Variants in MAP3K2 observed in about 807,000 individuals in gnomAD.
The protein encoded by MAP3K2 is mitogen-activated protein kinase kinase kinase 2.
A neutral mutation model predicts 80.3 loss-of-function variants in MAP3K2; 24 were observed. The ratio of observed to expected loss-of-function variants is 0.30; its 90% CI spans 0.22 to 0.42. MAP3K2 has a LOEUF of 0.42. Among genes scored for constraint, MAP3K2 ranks in the 10% least tolerant of loss-of-function variants. The probability of loss-of-function intolerance (pLI) is 1.00; values close to 1 mark genes in which losing one functional copy is unlikely to be tolerated. For missense variants in MAP3K2, 608 were observed against 750.1 expected (o/e 0.81, Z 2.21); for synonymous variants, 244 against 253.7 (o/e 0.96, Z 0.36).
intron 1 of MAP3K2, among the ~76,000 whole-genome samples, chr2:127,384,899 A>T (rs1687316952): frequency 6.6e-6 from 1 of 152,032 alleles, no homozygotes; most frequent in Admixed American, 6.6e-5. Context: ...AGCCTCCCAA[A>T]CTGCTGGGAT....
intron 1 of MAP3K2, among the ~76,000 whole-genome samples, chr2:127,347,826 T>C (rs1686624920): frequency 6.6e-6 from 1 of 152,100 alleles, no homozygotes; most frequent in Non-Finnish European, 1.5e-5. Flanking sequence ...TCATCTGTCA[T>C]CAGGGAAATG....
chr2:127,318,480 TTC>T (rs758117599), intron 12 of MAP3K2, among the ~76,000 whole-genome samples, 163 bp from the exon 13 acceptor site: 28 of 152,210 alleles, frequency 1.8e-4, no homozygotes, highest in Non-Finnish European at 3.1e-4. Context: ...TTTCAAATTT[TTC>T]TCTTTCGTCA....
intron 2 of MAP3K2, among the ~76,000 whole-genome samples, chr2:127,342,052 C>A (rs1309661720): frequency 5.9e-5 from 9 of 151,922 alleles, no homozygotes; most frequent in African/African-American, 2.2e-4. Flanking sequence ...TGTTTTTAAG[C>A]AATGAATGTT....
At chr2:127,355,609 C>T (rs1172835874) in intron 1 of MAP3K2, among the ~76,000 whole-genome samples, 1 of 152,080 alleles carries the variant, frequency 6.6e-6, no homozygotes, top group Non-Finnish European at 1.5e-5. Context: ...CACTAGAGGG[C>T]CTCCATGTTG....
At chr2:127,344,672 A>T (rs910641481) in intron 1 of MAP3K2, among the ~76,000 whole-genome samples, 1 of 152,272 alleles carries the variant, frequency 6.6e-6, no homozygotes, top group African/African-American at 2.4e-5. Context: ...GAAAACATTT[A>T]AAAAATTGTA....
At chr2:127,387,009 G>T (rs548505693) in intron 1 of MAP3K2, among the ~76,000 whole-genome samples, 2 of 152,224 alleles carry the variant, frequency 1.3e-5, no homozygotes, top group Admixed American at 6.5e-5. Flanking sequence ...CATGACAACT[G>T]CCGGGCGCAG....
chr2:127,325,812 G>GA lies in MAP3K2; in HGVS notation c.598-6dup, dbSNP rs1264329455. 1.9e-6 allele frequency: 3 copies of GA among 1,600,020 alleles called. No homozygotes were observed. The highest frequency in any genetic ancestry group is 1.7e-5 in the Admixed American group (1 of 57,852). On this transcript the variant is annotated splice_region_variant and splice_polypyrimidine_tract_variant and intron_variant, in intron 8 of 16. Transcript: ENST00000682094. ...TAAAGATAATGGATCCAGCATCTAG[G>GA]AAAAAAAGGAGTTCCACCATGATTC... is the stretch of plus-strand genomic sequence containing the variant.
At chr2:127,331,830 T>C (rs1343863530) in intron 5 of MAP3K2, among the ~76,000 whole-genome samples, 3 of 152,194 alleles carry the variant, frequency 2.0e-5, no homozygotes, top group African/African-American at 7.2e-5. Flanking sequence ...GGTCTCAAAC[T>C]CCTGACCTCA....
rs1685647909 is a variant in MAP3K2, at chr2:127,304,003, GT to G, written c.*3575del. 2 of 152,126 alleles carry G rather than the reference GT, an allele frequency of 1.3e-5. No homozygotes were observed. The highest frequency in any genetic ancestry group is 4.8e-5 in the African/African-American group (2 of 41,432). The allele number at this position is 152,126 out of a possible 1,614,324, so 9.4% of individuals were successfully genotyped here. A position where few individuals can be genotyped will look rare whatever the true frequency, so the allele number is the denominator to read the frequency against. On this transcript the variant is annotated 3_prime_UTR_variant, in exon 17 of 17. Transcript: ENST00000682094. ...AGCAGAGACTTAGTCTAAAGAAATA[GT>G]TTCATCTTTTTAATGCAGTTTCTTT...
chr2:127,322,035 C>G lies in MAP3K2; in HGVS notation c.1045+11G>C. On this transcript the variant is annotated intron_variant, in intron 12 of 16. Transcript: ENST00000682094. The surrounding 1 kb of genome is among the most constrained non-coding windows in gnomAD (Gnocchi z 4.2). ...GCTCTACATTTCACTATACCAAGTT[C>G]TATTACTTACAACGGCTGGGTGGGC... 6.2e-7 allele frequency: 1 copy of G among 1,608,120 alleles called. No homozygotes were observed. Among genetic ancestry groups the G allele is most frequent in the Non-Finnish European group, 8.5e-7 (1 of 1,176,192 alleles).
At chr2:127,318,107 A>G in intron 13 of MAP3K2, 62 bp downstream of exon 13, 1 of 1,380,282 alleles carries the variant, frequency 7.2e-7, no homozygotes. Flanking sequence ...CTTAATGTTA[A>G]AAAATAATAA....
chr2:127,313,206 T>C (rs1685840416), intron 15 of MAP3K2, among the ~76,000 whole-genome samples: 1 of 152,192 alleles, frequency 6.6e-6, no homozygotes, highest in African/African-American at 2.4e-5. Flanking sequence ...CTGGCAAAGT[T>C]TGAAGAAGAT....
chr2:127,329,679 G>A (rs1686213789), intron 7 of MAP3K2, among the ~76,000 whole-genome samples: 2 of 152,000 alleles, frequency 1.3e-5, no homozygotes, highest in Non-Finnish European at 2.9e-5. Context: ...AGTTTTATTT[G>A]AATTTGTTAA....
chr2:127,342,390 T>TGG (rs1207106249), intron 2 of MAP3K2, among the ~76,000 whole-genome samples: 5 of 71,314 alleles, frequency 7.0e-5, no homozygotes, highest in African/African-American at 3.1e-4. Flanking sequence ...TTCATGAGGG[T>TGG]GTGTGTGTGT....
chr2:127,382,291 T>C (rs1359145086), intron 1 of MAP3K2, among the ~76,000 whole-genome samples: 1 of 152,234 alleles, frequency 6.6e-6, no homozygotes, highest in Non-Finnish European at 1.5e-5. Flanking sequence ...AGGTAAAATG[T>C]CATAATGTCC....
chr2:127,381,756 A>C (rs533636639), intron 1 of MAP3K2, among the ~76,000 whole-genome samples: 2 of 152,362 alleles, frequency 1.3e-5, no homozygotes, highest in South Asian at 4.1e-4. Flanking sequence ...ATGGGACTGC[A>C]CAGTGTACGT....
intron 4 of MAP3K2, among the ~76,000 whole-genome samples, chr2:127,336,350 T>C (rs988800465): frequency 2.0e-5 from 3 of 152,338 alleles, no homozygotes; most frequent in South Asian, 2.1e-4. Flanking sequence ...AATAAAGTTG[T>C]TCTCCAGGGA....
At chr2:127,352,676 TTCCCTC>T (rs1038309817) in intron 1 of MAP3K2, among the ~76,000 whole-genome samples, 1 of 151,966 alleles carries the variant, frequency 6.6e-6, no homozygotes, top group African/African-American at 2.4e-5. Context: ...GAGTGCATGC[TTCCCTC>T]TCCCTCTCCC....
chr2:127,330,552 T>TA, intron 5 of MAP3K2, 47 bp from the exon 6 acceptor site: 2 of 883,318 alleles, frequency 2.3e-6, no homozygotes, highest in South Asian at 3.0e-5. Flanking sequence ...CCAGGTCAAG[T>TA]TCTTCCATGA....
Sources: allele counts gnomAD v4.1 joint callset (sites outside exome capture counted in the v4.1 genomes callset), GRCh38; gene constraint gnomAD v4.1.1; non-coding constraint Gnocchi (gnomAD v3.1); transcripts MANE v1.5; gene names NCBI Gene and HGNC (gene_info 2026-07-23, HGNC 2026-07-21).